The following POLQ variants were observed in gnomAD, a reference collection of about 807,000 sequenced individuals.
The protein encoded by POLQ is DNA polymerase theta.
Under a neutral mutation model 259.2 loss-of-function variants are expected in POLQ, and 233 were observed. The ratio of observed to expected loss-of-function variants is 0.90; its 90% CI spans 0.81 to 1.00. The LOEUF is 1.00. POLQ is among the 50% of genes least tolerant of loss of function. The probability of loss-of-function intolerance (pLI) is 0.00; values close to 1 mark genes in which losing one functional copy is unlikely to be tolerated. For missense variants in POLQ, 2,871 were observed against 3,051.6 expected (o/e 0.94, Z 1.39); for synonymous variants, 1,025 against 1,048.8 (o/e 0.98, Z 0.44).
chr3:121,489,620 C>T lies in POLQ; in HGVS notation c.3311G>A (p.Ser1104Asn), dbSNP rs2048047502. ...TGTTTTATTATCTTTTTCCTTACCA[C>T]TCAAAGATACATTTTTAGCAAATGG... ...SGPFAKNVSL[S>N]GKEKDNKTSF... The change falls in exon 16 of 30, where the codon AGT (serine) becomes AAT (asparagine). Residue 1104 changes from serine (S) to asparagine (N), a missense_variant. Physicochemically the swap from Ser to Asn is conservative, Grantham distance 46. Transcript: ENST00000264233. 12 of 1,613,776 alleles carry T rather than the reference C, an allele frequency of 7.4e-6. No individual in the cohort carries two copies. The highest frequency in any genetic ancestry group is 1.0e-5 in the Non-Finnish European group (12 of 1,179,900).
Position 121,501,906 on chromosome 3 carries a change from C to T in POLQ, c.1960-3236G>A, listed in dbSNP as rs147123985. Reference sequence around the variant, plus strand: ...TCGGGAGGCTGAGGCATGAGAATTGCTTGAACCTGGGAGGCGGAGGTTGCA... The same window carrying T: ...TCGGGAGGCTGAGGCATGAGAATTGTTTGAACCTGGGAGGCGGAGGTTGCA... On this transcript the variant is annotated intron_variant, in intron 12 of 29. Transcript: ENST00000264233. Among the ~76,000 whole-genome samples, 1,168 of 150,124 alleles carry T rather than the reference C, an allele frequency of 7.8e-3. 12 individuals carry two copies. The highest frequency in any genetic ancestry group is 0.028 in the African/African-American group (1,125 of 40,864).
rs772799286 is a variant in POLQ, at chr3:121,487,766, G to A, written c.5165C>T (p.Pro1722Leu). Residue 1722 changes from proline to leucine, a missense_variant, in exon 16 of 30, where the codon CCT (proline) becomes CTT (leucine). By Grantham distance (98) the Pro-to-Leu change is moderately conservative. This residue lies in a region of POLQ where 2,080 missense variants were observed against 2,126.0 expected (regional missense o/e 0.98). Coordinates refer to ENST00000264233, the MANE Select transcript of POLQ (RefSeq NM_199420.4). ...ATCAACTATATTACTTTCTTTACGA[G>A]GTAAGAGGGATGAGGTTTCATCATG... ...ANHDETSSLL[P>L]RKESNIVDDN... The A allele has an allele frequency of 1.9e-6, 3 of 1,612,204 alleles. No homozygotes were observed. The highest frequency in any genetic ancestry group is 1.7e-5 in the Admixed American group (1 of 59,920).
intron 25 of POLQ, among the ~76,000 whole-genome samples, chr3:121,458,170 G>A (rs572074193): frequency 6.6e-6 from 1 of 152,024 alleles, no homozygotes; most frequent in Non-Finnish European, 1.5e-5. Context: ...TCACTCATAG[G>A]TGGGAATTGA....
chr3:121,451,040 A>T, intron 25 of POLQ, among the ~76,000 whole-genome samples: 1 of 151,982 alleles, frequency 6.6e-6, no homozygotes, highest in Non-Finnish European at 1.5e-5. Context: ...CATTTATTTG[A>T]TCATCAATCA....
intron 28 of POLQ, among the ~76,000 whole-genome samples, chr3:121,434,871 G>T (rs2047529598): frequency 6.6e-6 from 1 of 152,128 alleles, no homozygotes; most frequent in Non-Finnish European, 1.5e-5. Flanking sequence ...CATGCCTCCT[G>T]GCTGGGTGTG....
chr3:121,531,651 G>C (rs958222402), intron 6 of POLQ, among the ~76,000 whole-genome samples: 3 of 152,158 alleles, frequency 2.0e-5, no homozygotes, highest in Admixed American at 2.0e-4. Context: ...GACTGAAAGG[G>C]ACAAGGTCAG....
chr3:121,436,796 A>G (rs2047547857), intron 27 of POLQ, among the ~76,000 whole-genome samples: 1 of 151,596 alleles, frequency 6.6e-6, no homozygotes, highest in African/African-American at 2.4e-5. Flanking sequence ...TGCTGAGGCA[A>G]ATCCTTAGCC....
intron 5 of POLQ, among the ~76,000 whole-genome samples, chr3:121,535,664 C>T (rs547507602): frequency 3.5e-5 from 5 of 142,648 alleles, no homozygotes; most frequent in African/African-American, 7.8e-5. Context: ...TGCAGTGAGC[C>T]GAGATCACGC....
intron 23 of POLQ, 73 bp downstream of exon 23, chr3:121,468,232 G>A (rs1024126041): frequency 1.7e-6 from 2 of 1,178,552 alleles, no homozygotes; most frequent in East Asian, 2.4e-5. Context: ...TCATTTATTT[G>A]TCTAATAAGC....
At chr3:121,440,266 C>T (rs2047580185) in intron 26 of POLQ, 150 bp from the exon 27 acceptor site, 2 of 577,016 alleles carry the variant, frequency 3.5e-6, no homozygotes, top group South Asian at 2.6e-5. Flanking sequence ...AACTTTCATT[C>T]ACTTTTTCTA....
chr3:121,545,388 C>T (rs1054203767), intron 1 of POLQ, among the ~76,000 whole-genome samples: 7 of 152,184 alleles, frequency 4.6e-5, no homozygotes, highest in Non-Finnish European at 1.0e-4. Context: ...GCCCAACAAT[C>T]CTGTCTTAAG....
rs747524472 is a variant in POLQ at position 121,472,152 on chromosome 3, T to C, written c.6556A>G (p.Lys2186Glu). The change falls in exon 22 of 30, where the codon AAA becomes GAA. Residue 2186 changes from lysine (K) to glutamate (E), a missense_variant. Around this residue, in one of 3 missense-constraint regions of POLQ, gnomAD observed 2,080 missense variants for 2,126.0 expected, o/e 0.98. Coordinates refer to ENST00000264233, the MANE Select transcript of POLQ (RefSeq NM_199420.4). ...GGTAAAGGATGTAATGCCTTTAATT[T>C]ATTTAAAACGTCCTGCCAAAAAAAT... ...QFSTSKDVLN[K>E]LKALHPLPGL... 14 of 1,464,782 alleles carry C rather than the reference T, an allele frequency of 9.6e-6. No individual in the cohort carries two copies. The highest frequency in any genetic ancestry group is 2.0e-5 in the Admixed American group (1 of 50,998). 90.7% of individuals were successfully genotyped at this position (1,464,782 alleles called of 1,614,324 possible).
intron 25 of POLQ, among the ~76,000 whole-genome samples, chr3:121,449,828 G>A (rs1164308351): frequency 6.6e-6 from 1 of 152,080 alleles, no homozygotes; most frequent in Non-Finnish European, 1.5e-5. Flanking sequence ...CCTTGAAAAA[G>A]ACTTGAAGTG....
intron 9 of POLQ, among the ~76,000 whole-genome samples, chr3:121,516,820 A>G (rs1188767877): frequency 1.3e-5 from 2 of 152,246 alleles, no homozygotes; most frequent in Non-Finnish European, 2.9e-5. Context: ...ATAAACCACT[A>G]TATTCCTACA....
chr3:121,496,673 T>C (rs1433388129), intron 14 of POLQ, 135 bp downstream of exon 14: 2 of 851,872 alleles, frequency 2.3e-6, no homozygotes, highest in Non-Finnish European at 3.5e-6. Context: ...AATTTTCTGA[T>C]GATGACAAGA....
intron 20 of POLQ, 36 bp from the exon 21 acceptor site, chr3:121,473,523 A>C: frequency 6.4e-7 from 1 of 1,558,408 alleles, no homozygotes; most frequent in Non-Finnish European, 8.8e-7. Flanking sequence ...TCAAGAATGA[A>C]ACTTGCAAGG....
chr3:121,483,518 C>A lies in POLQ; in HGVS notation c.5838G>T (p.Trp1946Cys), dbSNP rs752018414. ...CCTTTCGCAAGCAAGATTGAAGGTA[C>A]CACATCCTGTCTTTCAAAGTCAGGC... ...DPSLTLKDRM[W>C]YLQSCLRKES... Residue 1946 changes from tryptophan to cysteine, a missense_variant, in exon 18 of 30, where the codon TGG (tryptophan) becomes TGT (cysteine). Trp to Cys is a radical substitution (Grantham distance 215). Around this residue, in one of 3 missense-constraint regions of POLQ, gnomAD observed 2,080 missense variants for 2,126.0 expected, o/e 0.98. Coordinates refer to ENST00000264233, the MANE Select transcript of POLQ (RefSeq NM_199420.4). The A allele has an allele frequency of 1.2e-6, 2 of 1,602,636 alleles. No homozygotes were observed. Among genetic ancestry groups the A allele is most frequent in the Non-Finnish European group, 1.7e-6 (2 of 1,176,104 alleles).
rs929630422 is a variant in POLQ, at chr3:121,498,541, A to G, written c.2089T>C (p.Cys697Arg). Residue 697 changes from cysteine (C) to arginine (R), a missense_variant, in exon 13 of 30, where the codon TGT becomes CGT. By Grantham distance (180) the Cys-to-Arg change is radical. Coordinates refer to ENST00000264233, the MANE Select transcript of POLQ (RefSeq NM_199420.4). The part of the protein sequence containing the change: ...VGVEEGFLAR[C>R]VKGKVVARTE... The stretch of plus-strand genomic sequence containing the variant: ...CTGGCTACTACTTTTCCTTTCACAC[A>G]ACGGGCCAAGAACCCCTCTTCAACT... 2 of 1,613,900 alleles carry G rather than the reference A, an allele frequency of 1.2e-6. No individual in the cohort carries two copies. Among genetic ancestry groups the G allele is most frequent in the African/African-American group, 2.7e-5 (2 of 74,880 alleles).
chr3:121,466,374 A>C (rs1480099860), intron 24 of POLQ, among the ~76,000 whole-genome samples: 2 of 147,194 alleles, frequency 1.4e-5, no homozygotes, highest in African/African-American at 2.5e-5. Context: ...AAAAAAAAAA[A>C]AAAAAAAAGA....
Sources: gnomAD v4.1 joint callset for allele counts (sites outside exome capture counted in the v4.1 genomes callset) on GRCh38, gnomAD v4.1.1 for gene constraint, gnomAD v4.1.1 regional missense constraint, MANE v1.5 for transcripts, NCBI Gene and HGNC (gene_info 2026-07-23, HGNC 2026-07-21) for gene names.